USP32: variants seen among roughly 807,000 people sequenced by gnomAD.
The protein encoded by USP32 is ubiquitin carboxyl-terminal hydrolase 32.
A neutral mutation model predicts 204.8 loss-of-function variants in USP32; 59 were observed. The ratio of observed to expected loss-of-function variants is 0.29; its 90% CI spans 0.23 to 0.36. USP32 has a LOEUF of 0.36. USP32 is among the 10% of genes least tolerant of loss of function. The pLI is 1.00. For missense variants in USP32, 1,160 were observed against 1,946.4 expected (o/e 0.60, Z 7.60); for synonymous variants, 517 against 678.4 (o/e 0.76, Z 3.70).
intron 1 of USP32, among the ~76,000 whole-genome samples, chr17:60,403,587 C>A (rs1271896788): frequency 6.6e-6 from 1 of 152,110 alleles, no homozygotes; most frequent in Non-Finnish European, 1.5e-5. Context: ...AGGTGTGGTT[C>A]CTCAAATACA....
Position 60,226,222 on chromosome 17 carries a change from G to T in USP32, c.1249C>A (p.Pro417Thr), listed in dbSNP as rs199631640. 5.2e-6 allele frequency: 8 copies of T among 1,534,908 alleles called. No individual in the cohort carries two copies. Among genetic ancestry groups the T allele is most frequent in the Middle Eastern group, 1.7e-4 (1 of 5,832 alleles). Reference sequence around the variant, plus strand: ...ACAGATGATGGCTCAATTACCACAGGGTTGGCATCCTAAAATCAGGAAATC... The same window carrying T: ...ACAGATGATGGCTCAATTACCACAGTGTTGGCATCCTAAAATCAGGAAATC... ...WKEYVKYDAN[P>T]VVIEPSSVLN... The change falls in exon 13 of 34, where the codon CCT (proline) becomes ACT (threonine). Residue 417 changes from proline (P) to threonine (T), a missense_variant. Around this residue, in one of 8 missense-constraint regions of USP32, gnomAD observed 536 missense variants for 680.9 expected, o/e 0.79. Transcript: ENST00000300896.
chr17:60,177,954 A>T lies in USP32; in HGVS notation c.*1301T>A, dbSNP rs1277494050. 7.9e-5 allele frequency among the ~76,000 whole-genome samples: 12 copies of T among 152,214 alleles called. No homozygotes were observed. The highest frequency in any genetic ancestry group is 5.2e-4 in the Admixed American group (8 of 15,280). ...GAAACATTTCCTTCAAGTATATATT[A>T]AAAAACTACACGAAAAAAATGCTAC... On this transcript the variant is annotated 3_prime_UTR_variant, in exon 34 of 34. Coordinates refer to ENST00000300896, the MANE Select transcript of USP32 (RefSeq NM_032582.4).
intron 1 of USP32, among the ~76,000 whole-genome samples, chr17:60,390,569 C>G (rs1194836302): frequency 6.6e-6 from 1 of 152,204 alleles, no homozygotes; most frequent in Non-Finnish European, 1.5e-5. Context: ...AAAGGCATAT[C>G]TGTGTTATTC....
chr17:60,302,177 C>A (rs905031737), intron 2 of USP32, among the ~76,000 whole-genome samples: 3 of 151,230 alleles, frequency 2.0e-5, no homozygotes, highest in Non-Finnish European at 4.4e-5. Context: ...CTCCTGTCGC[C>A]CAGGCTGGAG....
chr17:60,419,795 C>A (rs1039949456), intron 1 of USP32, among the ~76,000 whole-genome samples: 42 of 147,972 alleles, frequency 2.8e-4, no homozygotes, highest in Non-Finnish European at 5.1e-4. Context: ...ATATAACAAA[C>A]CTGCAACTCA....
rs372949507 is a variant in USP32, at chr17:60,257,336, A to G, written c.991-2078T>C. Among the ~76,000 whole-genome samples the G allele has an allele frequency of 9.2e-5, 14 of 152,260 alleles. No homozygotes were observed. In the South Asian group the frequency reaches 2.9e-3, roughly 32 times the overall value. ...GTTACTTCGTGGATCACATGTGCCA[A>G]TTGGGGGGAGTCAGTATGAAACACA... is the stretch of plus-strand genomic sequence containing the variant. On this transcript the variant is annotated intron_variant, in intron 9 of 33. Transcript: ENST00000300896.
intron 2 of USP32, among the ~76,000 whole-genome samples, chr17:60,315,241 T>A (rs1041110189): frequency 1.3e-5 from 2 of 151,742 alleles, no homozygotes; most frequent in Non-Finnish European, 2.9e-5. Flanking sequence ...CTACTTAAAA[T>A]ACAAAAAAAT....
intron 2 of USP32, among the ~76,000 whole-genome samples, chr17:60,306,009 C>A (rs1195767937): frequency 6.6e-6 from 1 of 152,000 alleles, no homozygotes; most frequent in Non-Finnish European, 1.5e-5. Flanking sequence ...ACATATTTTC[C>A]GCCTTTAATC....
intron 4 of USP32, among the ~76,000 whole-genome samples, chr17:60,294,325 T>A (rs1011139972): frequency 6.6e-6 from 1 of 152,054 alleles, no homozygotes; most frequent in East Asian, 1.9e-4. Flanking sequence ...GAATGAATGA[T>A]ATCCGTGATG....
At chr17:60,284,538 G>C (rs1214666541) in intron 5 of USP32, among the ~76,000 whole-genome samples, 1 of 151,830 alleles carries the variant, frequency 6.6e-6, no homozygotes, top group African/African-American at 2.4e-5. Context: ...GATTTCTTAA[G>C]GCAAAAGTAT....
At chr17:60,207,824 C>G (rs1598065352) in intron 24 of USP32, 2 of 517,042 alleles carry the variant, frequency 3.9e-6, no homozygotes, top group Non-Finnish European at 6.3e-6. Flanking sequence ...ATATAGGCAG[C>G]CTTACGTATT....
chr17:60,197,813 G>A (rs1365303251), intron 27 of USP32, among the ~76,000 whole-genome samples: 1 of 151,818 alleles, frequency 6.6e-6, no homozygotes, highest in Non-Finnish European at 1.5e-5. Flanking sequence ...ACATGGTAAG[G>A]GAAAAAGAAA....
At chr17:60,230,749 T>A (rs2085526043) in intron 12 of USP32, among the ~76,000 whole-genome samples, 1 of 152,232 alleles carries the variant, frequency 6.6e-6, no homozygotes, top group South Asian at 2.1e-4. Flanking sequence ...TTATTTTTCT[T>A]GTTCCTTCTA....
In USP32 at chr17:60,211,127, T is replaced by A. The variant is rs2586314; in HGVS notation, c.2319-9A>T. The A allele has an allele frequency of 1.4e-5, 23 of 1,605,898 alleles. No individual in the cohort carries two copies. In the South Asian group the frequency reaches 2.2e-4, roughly 16 times the overall value. Reference sequence around the variant, plus strand: ...TACCAATGGGATTTGTCCTAGAAGTTTGAGAGGAAAATTTGTTGCCAAAGA... The same window carrying A: ...TACCAATGGGATTTGTCCTAGAAGTATGAGAGGAAAATTTGTTGCCAAAGA... On this transcript the variant is annotated splice_polypyrimidine_tract_variant and intron_variant, in intron 20 of 33. Coordinates refer to ENST00000300896, the MANE Select transcript of USP32 (RefSeq NM_032582.4).
chr17:60,272,641 A>C (rs1278694466), intron 5 of USP32, among the ~76,000 whole-genome samples: 1 of 152,260 alleles, frequency 6.6e-6, no homozygotes, highest in Admixed American at 6.5e-5. Flanking sequence ...TTAGAGAATA[A>C]GCAGCATAGA....
At chr17:60,340,495 T>G (rs1289335796) in intron 2 of USP32, among the ~76,000 whole-genome samples, 1 of 152,244 alleles carries the variant, frequency 6.6e-6, no homozygotes, top group Non-Finnish European at 1.5e-5. Context: ...TTACAACCCC[T>G]GCTTTTTTTG....
At chr17:60,294,949 A>G in intron 3 of USP32, 148 bp from the exon 4 acceptor site, 1 of 557,680 alleles carries the variant, frequency 1.8e-6, no homozygotes, top group Non-Finnish European at 3.1e-6. Flanking sequence ...AAAATAATCC[A>G]GCAACAAAAA....
chr17:60,290,882 T>A (rs1482684796), intron 4 of USP32, among the ~76,000 whole-genome samples: 1 of 152,090 alleles, frequency 6.6e-6, no homozygotes, highest in Non-Finnish European at 1.5e-5. Context: ...TGTCTAGGGG[T>A]CAGTTTTGTG....
upstream of USP32, among the ~76,000 whole-genome samples, chr17:60,393,389 A>G (rs939449564): frequency 6.6e-6 from 1 of 152,216 alleles, no homozygotes; most frequent in African/African-American, 2.4e-5. Flanking sequence ...GAGAGCCAAA[A>G]GGTGAACACA....
Sources: gnomAD v4.1 joint callset for allele counts (sites outside exome capture counted in the v4.1 genomes callset) on GRCh38, gnomAD v4.1.1 for gene constraint, gnomAD v4.1.1 regional missense constraint, MANE v1.5 for transcripts, NCBI Gene and HGNC (gene_info 2026-07-23, HGNC 2026-07-21) for gene names.